Variants in BCL6 observed in about 807,000 individuals in gnomAD.
BCL6 encodes the protein BCL6 transcription repressor, also known as B-cell lymphoma 6 protein.
In BCL6, 7 loss-of-function variants were observed where a neutral mutation model predicts 59.5. That is an observed-to-expected ratio of 0.12 (90% CI 0.07 to 0.22). BCL6 has a LOEUF of 0.22. BCL6 is among the 10% of genes least tolerant of loss of function. The pLI is 1.00. For synonymous variants in BCL6, 339 were observed against 349.7 expected (o/e 0.97, Z 0.34); for missense variants, 685 against 939.4 (o/e 0.73, Z 3.54).
At position 187,726,891 on chromosome 3, in the gene BCL6, C is replaced by T. The variant is rs770346860; in HGVS notation, c.1548G>A (p.Gly516=). The change falls in exon 7 of 10, where the codon GGG becomes GGA. Residue 516 remains glycine (G), a synonymous_variant. Coordinates refer to ENST00000406870, the MANE Select transcript of BCL6 (RefSeq NM_001706.5). ...SEYSDSSCEN[G]AFFCNECDCR... ...AGTCACACTCATTGCAGAAGAAGGC[C>T]CCGTTCTCTGTTGGAGGGTGGTAGG... The T allele has an allele frequency of 3.7e-6, 6 of 1,614,116 alleles. No individual in the cohort carries two copies. Among genetic ancestry groups the T allele is most frequent in the Non-Finnish European group, 4.2e-6 (5 of 1,179,994 alleles).
chr3:187,741,087 A>C (rs955321052), intron 1 of BCL6, among the ~76,000 whole-genome samples: 1 of 151,976 alleles, frequency 6.6e-6, no homozygotes, highest in Non-Finnish European at 1.5e-5. Context: ...CAGCTTCCAC[A>C]CCGATCCCTA....
chr3:187,724,760 G>C, intron 9 of BCL6, 181 bp downstream of exon 9: 4 of 825,678 alleles, frequency 4.8e-6, no homozygotes, highest in Non-Finnish European at 7.4e-6. Context: ...CAGGGTGTCT[G>C]GCCATTGGGC....
chr3:187,732,477 C>G, intron 3 of BCL6: 1 of 242,842 alleles, frequency 4.1e-6, no homozygotes, highest in Non-Finnish European at 8.7e-6. Flanking sequence ...CTTGAAGACC[C>G]AACTCAAACC....
Position 187,733,685 on chromosome 3 carries a change from C to A in BCL6, c.9G>T (p.Ser3=), listed in dbSNP as rs776490278. The A allele has an allele frequency of 1.9e-6, 3 of 1,614,040 alleles. No individual in the cohort carries two copies. Among genetic ancestry groups the A allele is most frequent in the Middle Eastern group, 1.6e-4 (1 of 6,062 alleles). Residue 3 remains serine (S), a synonymous_variant, in exon 3 of 10, where the codon TCG becomes TCT. Transcript: ENST00000406870. MA[S]PADSCIQFTR... is the part of the protein sequence containing the mutation. ...TGAACTGGATACAGCTGTCAGCCGG[C>A]GAGGCCATTTTGTCTTCACTTGAAA...
intron 1 of BCL6, among the ~76,000 whole-genome samples, chr3:187,744,990 C>T (rs560255095): frequency 1.3e-5 from 2 of 151,962 alleles, no homozygotes; most frequent in Admixed American, 1.3e-4. Flanking sequence ...CAAGCACTGT[C>T]TCGTCCTCTC....
At chr3:187,738,224 C>CT (rs971035250) in intron 1 of BCL6, among the ~76,000 whole-genome samples, 1 of 152,138 alleles carries the variant, frequency 6.6e-6, no homozygotes, top group African/African-American at 2.4e-5. Context: ...AGTTTATTTG[C>CT]TTTTTTCCCT....
In BCL6 at chr3:187,728,513, C is replaced by T. The variant is rs374228382; in HGVS notation, c.1387G>A (p.Glu463Lys). The stretch of plus-strand genomic sequence containing the variant: ...TGCATGTAGAGTGGTGAGTGGCTCT[C>T]GCTGCTGCTGCGGGGAGAGCCCGTC... ...SMTGSPRSSS[E>K]SHSPLYMHPP... is the part of the protein sequence containing the mutation. The change falls in exon 6 of 10, where the codon GAG (glutamate) becomes AAG (lysine). Residue 463 changes from glutamate to lysine, a missense_variant. Transcript: ENST00000406870. 6.8e-6 allele frequency: 11 copies of T among 1,609,994 alleles called. No homozygotes were observed. Among genetic ancestry groups the T allele is most frequent in the South Asian group, 1.1e-5 (1 of 90,824 alleles).
At chr3:187,727,401 A>G (rs1718767482) in intron 6 of BCL6, among the ~76,000 whole-genome samples, 1 of 152,276 alleles carries the variant, frequency 6.6e-6, no homozygotes, top group African/African-American at 2.4e-5. Context: ...AACACAAAGC[A>G]TTCCAGGAAT....
rs376883234 is a variant in BCL6 at position 187,728,465 on chromosome 3, C to T, written c.1435G>A (p.Gly479Ser). The change falls in exon 6 of 10, where the codon GGC becomes AGC. Residue 479 changes from glycine to serine, a missense_variant. By Grantham distance (56) the Gly-to-Ser change is moderately conservative (BLOSUM62 0). Transcript: ENST00000406870. ...TCTGCATGCTGTGGGGACTGAGAGC[C>T]GCAGGACGTGCACTTCGGGGGGTGC... ...YMHPPKCTSC[G>S]SQSPQHAEMC... The T allele has an allele frequency of 8.1e-6, 13 of 1,611,834 alleles. No individual in the cohort carries two copies. In the East Asian group the frequency reaches 1.1e-4, roughly 14 times the overall value.
intron 5 of BCL6, 88 bp from the exon 6 acceptor site, chr3:187,728,632 C>A: frequency 1.5e-6 from 2 of 1,343,042 alleles, no homozygotes; most frequent in South Asian, 1.4e-5. Context: ...AGCCCAGAGG[C>A]CAGAGCTGGG....
rs748627517 is a variant in BCL6 at position 187,728,428 on chromosome 3, T to G, written c.1472A>C (p.His491Pro). The change falls in exon 6 of 10, where the codon CAC becomes CCC. Residue 491 changes from histidine to proline, a missense_variant. By Grantham distance (77) the His-to-Pro change is moderately conservative. Coordinates refer to ENST00000406870, the MANE Select transcript of BCL6 (RefSeq NM_001706.5). ...QSPQHAEMCL[H>P]TAGPTFPEEM... ...CTCAGGGAACGTGGGGCCAGCGGTG[T>G]GGAGGCACATCTCTGCATGCTGTGG... 20 of 1,612,306 alleles carry G rather than the reference T, an allele frequency of 1.2e-5. No individual in the cohort carries two copies. Among genetic ancestry groups the G allele is most frequent in the Admixed American group, 1.7e-5 (1 of 59,786 alleles).
At chr3:187,724,173 A>G (rs749344550) in intron 9 of BCL6, among the ~76,000 whole-genome samples, 1 of 152,206 alleles carries the variant, frequency 6.6e-6, no homozygotes, top group Non-Finnish European at 1.5e-5. Flanking sequence ...TCAACTCCTC[A>G]AAGCAACCAT....
At chr3:187,730,245 C>T (rs1204258330) in intron 4 of BCL6, among the ~76,000 whole-genome samples, 3 of 152,164 alleles carry the variant, frequency 2.0e-5, no homozygotes, top group South Asian at 2.1e-4. Context: ...AGTGAGTTTC[C>T]GGCATGATCT....
intron 1 of BCL6, among the ~76,000 whole-genome samples, chr3:187,745,178 A>G (rs532689005): frequency 2.0e-5 from 3 of 152,296 alleles, no homozygotes; most frequent in Admixed American, 6.5e-5. Flanking sequence ...ACGTGGGACT[A>G]ATCTTCGGCA....
intron 9 of BCL6, among the ~76,000 whole-genome samples, chr3:187,723,130 C>T (rs980723366): frequency 1.5e-4 from 23 of 152,260 alleles, no homozygotes; most frequent in African/African-American, 5.5e-4. Context: ...AATCTGAACA[C>T]ATCTGGACAA....
chr3:187,722,334 C>A lies in BCL6; in HGVS notation c.*124G>T. ...GACCCCCACCACCCCCAACCCCCAG[C>A]TATGATTTGCACTAGTGGATGAAAG... On this transcript the variant is annotated 3_prime_UTR_variant, in exon 10 of 10. Transcript: ENST00000406870. 1 of 903,462 alleles carries A rather than the reference C, an allele frequency of 1.1e-6. No homozygotes were observed. Among genetic ancestry groups the A allele is most frequent in the Admixed American group, 4.4e-5 (1 of 22,930 alleles). The allele number at this position is 903,462 out of a possible 1,614,324, so 56.0% of individuals were successfully genotyped here.
intron 3 of BCL6, 89 bp from the exon 4 acceptor site, chr3:187,732,019 G>T: frequency 1.8e-6 from 2 of 1,116,502 alleles, no homozygotes; most frequent in African/African-American, 1.6e-5. Context: ...CCTTTCCCCT[G>T]GGCCTACCTC....
rs1719051924 is a variant in BCL6 at position 187,731,714 on chromosome 3, C to G, written c.378G>C (p.Lys126Asn). The G allele has an allele frequency of 6.2e-7, 1 of 1,613,810 alleles. No individual in the cohort carries two copies. The change falls in exon 4 of 10, where the codon AAG becomes AAC. Residue 126 changes from lysine (K) to asparagine (N), a missense_variant. Physicochemically the swap from Lys to Asn is moderately conservative, Grantham distance 94. This residue lies in a region of BCL6 where 102 missense variants were observed against 176.6 expected (regional missense o/e 0.58). Coordinates refer to ENST00000406870, the MANE Select transcript of BCL6 (RefSeq NM_001706.5). ...HVVDTCRKFI[K>N]ASEAEMVSAI... is the part of the protein sequence containing the mutation. ...CCACCCGGGTAGCAACTCACCTGGC[C>G]TTAATAAACTTCCGGCAAGTGTCCA...
At chr3:187,731,313 T>C (rs1719031178) in intron 4 of BCL6, among the ~76,000 whole-genome samples, 3 of 152,122 alleles carry the variant, frequency 2.0e-5, no homozygotes, top group South Asian at 2.1e-4. Flanking sequence ...AAAATACATA[T>C]GCAAATATTA....
Sources: gnomAD v4.1 joint callset for allele counts (sites outside exome capture counted in the v4.1 genomes callset) on GRCh38, gnomAD v4.1.1 for gene constraint, gnomAD v4.1.1 regional missense constraint, MANE v1.5 for transcripts, NCBI Gene and HGNC (gene_info 2026-07-23, HGNC 2026-07-21) for gene names.